Variants in IARS2 observed in about 807,000 individuals in gnomAD.
IARS2 encodes isoleucine--tRNA ligase, mitochondrial.
In IARS2, 56 loss-of-function variants were observed where a neutral mutation model predicts 126.3. The observed-to-expected ratio is 0.44, with a 90% CI of 0.36 to 0.55. The LOEUF is 0.55. Ranked by LOEUF, IARS2 falls within the 20% of genes least tolerant of loss-of-function variation. The probability of loss-of-function intolerance (pLI) is 0.00; values close to 1 mark genes in which losing one functional copy is unlikely to be tolerated. For missense variants in IARS2, 1,127 were observed against 1,245.9 expected, an observed-to-expected ratio of 0.90 and a Z score of 1.44; for synonymous variants, 407 against 441.1, an observed-to-expected ratio of 0.92 and a Z score of 0.97.
intron 15 of IARS2, 98 bp downstream of exon 15, chr1:220,134,608 C>A: frequency 1.6e-6 from 1 of 607,050 alleles, no homozygotes; most frequent in Non-Finnish European, 2.7e-6. Context: ...CTCTTGATTG[C>A]TTACAGTGTC....
chr1:220,131,043 C>A (rs1243155075), intron 14 of IARS2, among the ~76,000 whole-genome samples: 1 of 152,112 alleles, frequency 6.6e-6, no homozygotes, highest in Non-Finnish European at 1.5e-5. Context: ...GTGCTTTTTG[C>A]TCAGTATTGC....
intron 14 of IARS2, among the ~76,000 whole-genome samples, chr1:220,131,905 C>G (rs1243246265): frequency 6.7e-6 from 1 of 149,964 alleles, no homozygotes; most frequent in Non-Finnish European, 1.5e-5. Context: ...TCAAGCAATT[C>G]TCCTGCCTCA....
rs199649609 is a variant in IARS2, at chr1:220,110,770, G to GTT, written c.1328-6_1328-5dup. The GTT allele has an allele frequency of 1.1e-4, 134 of 1,240,766 alleles. No homozygotes were observed. The highest frequency in any genetic ancestry group is 2.1e-4 in the Admixed American group (9 of 43,434). 76.9% of individuals were successfully genotyped at this position (1,240,766 alleles called of 1,614,324 possible). ...ACTTTTTAATTATGTCTAATTTGGTGTTTTTTTTTTTAAAGTTATAAAGAT... is the reference window on the plus strand; with the variant it reads ...ACTTTTTAATTATGTCTAATTTGGTGTTTTTTTTTTTTTAAAGTTATAAAGAT... On this transcript the variant is annotated splice_polypyrimidine_tract_variant and intron_variant, in intron 10 of 22. Transcript: ENST00000366922.
intron 9 of IARS2, 121 bp from the exon 10 acceptor site, chr1:220,106,940 G>T: frequency 1.4e-6 from 1 of 738,554 alleles, no homozygotes; most frequent in Non-Finnish European, 2.3e-6. Flanking sequence ...CAAGTACCTA[G>T]AATTTCAATG....
intron 10 of IARS2, among the ~76,000 whole-genome samples, chr1:220,107,399 A>T (rs1425717085): frequency 6.6e-6 from 1 of 152,238 alleles, no homozygotes; most frequent in Non-Finnish European, 1.5e-5. Flanking sequence ...AATAATCAGC[A>T]GTATTACTTT....
intron 15 of IARS2, 26 bp from the exon 16 acceptor site, chr1:220,136,783 T>C: frequency 8.2e-7 from 1 of 1,221,686 alleles, no homozygotes; most frequent in African/African-American, 1.5e-5. Flanking sequence ...GTGTTTATCA[T>C]TAAAATAGCT....
chr1:220,104,242 G>T (rs1656635947), intron 8 of IARS2, among the ~76,000 whole-genome samples: 1 of 152,260 alleles, frequency 6.6e-6, no homozygotes, highest in East Asian at 1.9e-4. Context: ...CTGCCAAAGT[G>T]CTGGGATTAA....
intron 12 of IARS2, among the ~76,000 whole-genome samples, chr1:220,115,646 T>G (rs1656899044): frequency 6.6e-6 from 1 of 152,126 alleles, no homozygotes. Flanking sequence ...TAATTGTGTC[T>G]TAGAATAATT....
chr1:220,094,547 C>G, intron 1 of IARS2, 64 bp downstream of exon 1: 1 of 1,397,524 alleles, frequency 7.2e-7, no homozygotes, highest in Non-Finnish European at 9.5e-7. Context: ...GCACCGGGCG[C>G]TCGCAGGCGC....
chr1:220,115,476 C>G (rs909733832), intron 12 of IARS2, among the ~76,000 whole-genome samples: 2 of 152,068 alleles, frequency 1.3e-5, no homozygotes, highest in Non-Finnish European at 2.9e-5. Flanking sequence ...CAGAGAACTG[C>G]TTGAACCTGG....
rs1432454287 is a variant in IARS2 at position 220,106,069 on chromosome 1, C to T, written c.1236+9C>T. ...AGCACAACCTGCCCATGGTACTGTTCCTCTTTTATCATTTTTAATTATTCA... is the reference window on the plus strand; with the variant it reads ...AGCACAACCTGCCCATGGTACTGTTTCTCTTTTATCATTTTTAATTATTCA... On this transcript the variant is annotated intron_variant, in intron 9 of 22. Coordinates refer to ENST00000366922, the MANE Select transcript of IARS2 (RefSeq NM_018060.4). 6.4e-7 allele frequency: 1 copy of T among 1,572,248 alleles called. No homozygotes were observed. Among genetic ancestry groups the T allele is most frequent in the African/African-American group, 1.4e-5 (1 of 73,400 alleles).
At chr1:220,106,095 T>A (rs1414744396) in intron 9 of IARS2, 35 bp downstream of exon 9, 1 of 1,513,380 alleles carries the variant, frequency 6.6e-7, no homozygotes, top group African/African-American at 1.4e-5. Context: ...TAATTATTCA[T>A]CTTAATAAAA....
intron 14 of IARS2, 67 bp from the exon 15 acceptor site, chr1:220,134,335 T>C: frequency 9.2e-7 from 1 of 1,092,472 alleles, no homozygotes; most frequent in Non-Finnish European, 1.3e-6. Flanking sequence ...TTAATAAGTA[T>C]CTTCTTTTTC....
At chr1:220,099,314 G>T (rs1213679242) in intron 2 of IARS2, among the ~76,000 whole-genome samples, 4 of 150,642 alleles carry the variant, frequency 2.7e-5, no homozygotes, top group Non-Finnish European at 5.9e-5. Context: ...ATAATGAAAA[G>T]AAACAAGTGA....
intron 16 of IARS2, among the ~76,000 whole-genome samples, chr1:220,137,128 C>A (rs796948786): frequency 9.9e-5 from 15 of 152,244 alleles, no homozygotes; most frequent in African/African-American, 3.6e-4. Flanking sequence ...CACGCTGTTT[C>A]TTTTTTAATT....
At chr1:220,111,598 A>ATATATATGTGTGTGTG (rs374024744) in intron 11 of IARS2, among the ~76,000 whole-genome samples, 47 of 134,858 alleles carry the variant, frequency 3.5e-4, no homozygotes, top group African/African-American at 1.1e-3. Context: ...ATATATATAT[A>ATATATATGTGTGTGTG]TGTGTGTGTG....
chr1:220,096,855 G>A (rs1425247899), intron 2 of IARS2, among the ~76,000 whole-genome samples: 1 of 152,080 alleles, frequency 6.6e-6, no homozygotes, highest in African/African-American at 2.4e-5. Flanking sequence ...GACCATCCTG[G>A]CTAACACGGT....
Position 220,141,908 on chromosome 1 carries a change from C to T in IARS2, c.2520C>T (p.His840=). The T allele has an allele frequency of 6.2e-7, 1 of 1,614,100 alleles. No individual in the cohort carries two copies. Among genetic ancestry groups the T allele is most frequent in the Non-Finnish European group, 8.5e-7 (1 of 1,179,976 alleles). Residue 840 remains histidine (H), a synonymous_variant, in exon 20 of 23, where the codon CAC becomes CAT. Coordinates refer to ENST00000366922, the MANE Select transcript of IARS2 (RefSeq NM_018060.4). ...GTTCTTTTGCTCCCATTCTTCCTCA[C>T]CTGGCTGAAGAGGTGTTCCAGCACA... The part of the protein sequence containing the change: ...IVRSFAPILP[H]LAEEVFQHIP...
intron 18 of IARS2, among the ~76,000 whole-genome samples, chr1:220,139,654 G>C (rs950192523): frequency 6.6e-6 from 1 of 152,182 alleles, no homozygotes; most frequent in African/African-American, 2.4e-5. Flanking sequence ...GGGAGGCTGA[G>C]GCAGGAGAAT....
Sources: allele counts gnomAD v4.1 joint callset (sites outside exome capture counted in the v4.1 genomes callset), GRCh38; gene constraint gnomAD v4.1.1; transcripts MANE v1.5; gene names NCBI Gene and HGNC (gene_info 2026-07-23, HGNC 2026-07-21).